HRH1: variants seen among roughly 807,000 people sequenced by gnomAD.
The protein encoded by HRH1 is histamine H1 receptor.
In HRH1, 6 loss-of-function variants were observed where a neutral mutation model predicts 10.3. The ratio of observed to expected loss-of-function variants is 0.58; its 90% CI spans 0.32 to 1.15. The LOEUF (loss-of-function observed/expected upper bound fraction) is 1.15. HRH1 is among the 50% of genes most tolerant of loss of function. The probability of loss-of-function intolerance (pLI) is 0.05; values close to 1 mark genes in which losing one functional copy is unlikely to be tolerated. For missense variants in HRH1, 514 were observed against 615.3 expected (o/e 0.84, Z 1.74); for synonymous variants, 242 against 236.7 (o/e 1.02, Z -0.21).
chr3:11,137,726 G>A (rs1328848710), intron 1 of HRH1, among the ~76,000 whole-genome samples: 5 of 152,108 alleles, frequency 3.3e-5, no homozygotes, highest in South Asian at 4.2e-4. Flanking sequence ...GGGGAACAGC[G>A]ACCGGAACGG....
chr3:11,168,175 T>C (rs1937084572), intron 1 of HRH1, among the ~76,000 whole-genome samples: 1 of 152,022 alleles, frequency 6.6e-6, no homozygotes, highest in Non-Finnish European at 1.5e-5. Flanking sequence ...AAGGCCTGGC[T>C]AGAAGGGGTT....
intron 1 of HRH1, among the ~76,000 whole-genome samples, chr3:11,168,112 G>A (rs1247209344): frequency 1.3e-5 from 2 of 152,138 alleles, no homozygotes; most frequent in Non-Finnish European, 2.9e-5. Context: ...AGAGAGGATT[G>A]AAGCATGCAT....
intron 1 of HRH1, among the ~76,000 whole-genome samples, chr3:11,138,989 CTT>C (rs35542980): frequency 8.6e-5 from 12 of 140,050 alleles, no homozygotes; most frequent in Admixed American, 1.4e-4. Context: ...CTGCATTGTT[CTT>C]TTTTTTTTTT....
chr3:11,156,198 C>T lies in HRH1; in HGVS notation c.-36+1644C>T, dbSNP rs921321188. On this transcript the variant is annotated intron_variant, in intron 1 of 1. Coordinates refer to ENST00000431010, the MANE Select transcript of HRH1 (RefSeq NM_001098212.2). ...TTTCTCCTGGTGTGGGGAGAATCTA[C>T]GGAGAAGGGCAGGGGATGCCTGGCA... 2.6e-5 allele frequency among the ~76,000 whole-genome samples: 4 copies of T among 152,172 alleles called. No homozygotes were observed. In the South Asian group the frequency reaches 8.3e-4, roughly 32 times the overall value.
intron 1 of HRH1, among the ~76,000 whole-genome samples, chr3:11,216,596 A>G (rs1938507957): frequency 6.6e-6 from 1 of 152,170 alleles, no homozygotes; most frequent in Admixed American, 6.6e-5. Context: ...CAGAAAGTGG[A>G]GACCAGGTGC....
intron 1 of HRH1, among the ~76,000 whole-genome samples, chr3:11,179,148 C>T (rs1436393544): frequency 2.0e-5 from 3 of 152,026 alleles, no homozygotes; most frequent in African/African-American, 7.2e-5. Context: ...ATTAGCTGGG[C>T]GTGGTGGCGC....
At chr3:11,225,767 C>A (rs939425098) in intron 1 of HRH1, among the ~76,000 whole-genome samples, 5 of 152,246 alleles carry the variant, frequency 3.3e-5, no homozygotes, top group African/African-American at 1.2e-4. Flanking sequence ...CTCACTTCAA[C>A]CTCTGCCTCC....
chr3:11,180,129 C>T (rs907837112), intron 1 of HRH1, among the ~76,000 whole-genome samples: 1 of 152,140 alleles, frequency 6.6e-6, no homozygotes, highest in Non-Finnish European at 1.5e-5. Flanking sequence ...CCTGTCTAAA[C>T]TGAATTTGGT....
intron 1 of HRH1, among the ~76,000 whole-genome samples, chr3:11,140,668 G>A (rs960902642): frequency 9.2e-5 from 14 of 152,028 alleles, no homozygotes; most frequent in Admixed American, 2.6e-4. Flanking sequence ...CTTAGCACTT[G>A]TAAAACACCC....
intron 1 of HRH1, among the ~76,000 whole-genome samples, chr3:11,215,372 G>T (rs1000904473): frequency 2.0e-5 from 3 of 152,220 alleles, no homozygotes; most frequent in African/African-American, 7.2e-5. Flanking sequence ...TTGTACAACT[G>T]AATAGTTGGG....
chr3:11,233,030 AG>A (rs1335645271), intron 1 of HRH1, among the ~76,000 whole-genome samples: 10 of 152,048 alleles, frequency 6.6e-5, no homozygotes, highest in Admixed American at 1.3e-4. Context: ...GATACTTTCA[AG>A]TTTTTTTGTC....
intron 1 of HRH1, chr3:11,253,121 C>T (rs199969948): frequency 6.6e-6 from 1 of 152,162 alleles, no homozygotes; most frequent in Non-Finnish European, 1.5e-5. Flanking sequence ...AATCCTTCTC[C>T]TTTTACTCCA....
Position 11,163,841 on chromosome 3 carries a change from T to C in HRH1, c.-36+9287T>C, listed in dbSNP as rs557011672. On this transcript the variant is annotated intron_variant, in intron 1 of 1. Transcript: ENST00000431010. ...CAGAGGTATTCTCTTCCAGGAAGTC[T>C]TCCCTGAATACCCCCCACCCCTAAG... Among the ~76,000 whole-genome samples, 30 of 152,268 alleles carry C rather than the reference T, an allele frequency of 2.0e-4. 1 individual carries two copies. The South Asian group carries it at 6.0e-3, about 31-fold the overall frequency.
chr3:11,209,086 A>G (rs1938235140), intron 1 of HRH1, among the ~76,000 whole-genome samples: 1 of 152,158 alleles, frequency 6.6e-6, no homozygotes, highest in Non-Finnish European at 1.5e-5. Flanking sequence ...AGATTTGAAC[A>G]TAATTGATTT....
At chr3:11,188,783 T>G (rs946420988) in intron 1 of HRH1, among the ~76,000 whole-genome samples, 2 of 152,268 alleles carry the variant, frequency 1.3e-5, no homozygotes, top group Non-Finnish European at 2.9e-5. Context: ...ATGTCGTGTT[T>G]AGTGAAAAGT....
At chr3:11,230,260 C>T (rs1368736147) in intron 1 of HRH1, among the ~76,000 whole-genome samples, 1 of 152,166 alleles carries the variant, frequency 6.6e-6, no homozygotes, top group Non-Finnish European at 1.5e-5. Context: ...GGCGTGAAGA[C>T]AAGAACTTTA....
chr3:11,223,430 C>T (rs1261519858), intron 1 of HRH1, among the ~76,000 whole-genome samples: 5 of 151,834 alleles, frequency 3.3e-5, no homozygotes, highest in South Asian at 2.1e-4. Context: ...ACCCAGGAGG[C>T]GGAGCTTGCA....
At chr3:11,205,494 A>T (rs1361767312) in intron 1 of HRH1, among the ~76,000 whole-genome samples, 1 of 152,140 alleles carries the variant, frequency 6.6e-6, no homozygotes, top group Non-Finnish European at 1.5e-5. Flanking sequence ...CTGAACTGGG[A>T]TAACAACATC....
At chr3:11,162,132 G>A (rs749164076) in intron 1 of HRH1, among the ~76,000 whole-genome samples, 13 of 152,246 alleles carry the variant, frequency 8.5e-5, no homozygotes, top group East Asian at 1.9e-4. Flanking sequence ...TGGAAAGGAC[G>A]CATGCTCCCT....
Sources: allele counts gnomAD v4.1 joint callset (sites outside exome capture counted in the v4.1 genomes callset), GRCh38; gene constraint gnomAD v4.1.1; transcripts MANE v1.5; gene names NCBI Gene and HGNC (gene_info 2026-07-23, HGNC 2026-07-21).